The following CACNA2D3 variants were observed in gnomAD, a reference collection of about 807,000 sequenced individuals.
CACNA2D3 encodes the protein calcium voltage-gated channel auxiliary subunit alpha2delta 3, also known as voltage-dependent calcium channel subunit alpha-2/delta-3.
Under a neutral mutation model 160.6 loss-of-function variants are expected in CACNA2D3, and 60 were observed. The ratio of observed to expected loss-of-function variants is 0.37; its 90% CI spans 0.30 to 0.46. The LOEUF is 0.46. Among genes scored for constraint, CACNA2D3 ranks in the 20% least tolerant of loss-of-function variants. CACNA2D3 has a pLI of 1.00. For missense variants in CACNA2D3, 1,205 were observed against 1,365.0 expected (o/e 0.88, Z 1.85); for synonymous variants, 558 against 492.9 (o/e 1.13, Z -1.75).
intron 3 of CACNA2D3, among the ~76,000 whole-genome samples, chr3:54,353,814 G>A (rs753901354): frequency 3.3e-5 from 5 of 152,140 alleles, no homozygotes; most frequent in African/African-American, 7.2e-5. Context: ...CTAAAAGTTA[G>A]GCCAGTCAGC....
intron 4 of CACNA2D3, among the ~76,000 whole-genome samples, chr3:54,478,803 C>A (rs1700885348): frequency 6.7e-6 from 1 of 149,852 alleles, no homozygotes; most frequent in Admixed American, 6.7e-5. Flanking sequence ...ATCAGATCTG[C>A]TGTTGTGGTA....
In CACNA2D3 at chr3:54,386,700, T is replaced by G. The variant is rs1559467474; in HGVS notation, c.322-15T>G. The G allele has an allele frequency of 4.0e-6, 6 of 1,516,146 alleles. No homozygotes were observed. The highest frequency in any genetic ancestry group is 5.3e-6 in the Non-Finnish European group (6 of 1,137,250). The allele number at this position is 1,516,146 out of a possible 1,614,324, so 93.9% of individuals were successfully genotyped here. On this transcript the variant is annotated splice_polypyrimidine_tract_variant and intron_variant, in intron 3 of 37. Coordinates refer to ENST00000474759, the MANE Select transcript of CACNA2D3 (RefSeq NM_018398.3). ...ATCCTTAATGCTGTCTTCTGTTTTT[T>G]TTTTTTTTTTTTAGCGTCTGGTGGA...
chr3:54,454,873 C>T (rs947768657), intron 4 of CACNA2D3, among the ~76,000 whole-genome samples: 2 of 152,014 alleles, frequency 1.3e-5, no homozygotes, highest in Non-Finnish European at 2.9e-5. Flanking sequence ...TGGCTTATTT[C>T]ATTTAACATA....
intron 3 of CACNA2D3, among the ~76,000 whole-genome samples, chr3:54,334,124 C>G (rs1314890389): frequency 1.3e-5 from 2 of 152,164 alleles, no homozygotes; most frequent in African/African-American, 2.4e-5. Context: ...CAGAGTCTCA[C>G]TCTGCTAGCT....
intron 2 of CACNA2D3, among the ~76,000 whole-genome samples, chr3:54,155,151 T>C (rs1050848876): frequency 1.3e-5 from 2 of 152,186 alleles, no homozygotes; most frequent in African/African-American, 4.8e-5. Flanking sequence ...AAAGTGGTTA[T>C]AGTGGTCAGG....
chr3:54,420,649 A>G (rs1699823500), intron 4 of CACNA2D3, among the ~76,000 whole-genome samples: 1 of 152,220 alleles, frequency 6.6e-6, no homozygotes. Flanking sequence ...GGTTATGACC[A>G]TCAAATTGAA....
chr3:55,069,226 C>T (rs1305012750), intron 35 of CACNA2D3, among the ~76,000 whole-genome samples: 1 of 152,128 alleles, frequency 6.6e-6, no homozygotes, highest in East Asian at 1.9e-4. Context: ...ATTGTCCAGA[C>T]TATTCTCTAT....
chr3:54,214,679 G>C (rs1307968908), intron 2 of CACNA2D3, among the ~76,000 whole-genome samples: 1 of 152,180 alleles, frequency 6.6e-6, no homozygotes, highest in Non-Finnish European at 1.5e-5. Flanking sequence ...GGTGTGGAGA[G>C]GATGCCCCAG....
At chr3:54,904,415 T>A (rs893581025) in intron 27 of CACNA2D3, among the ~76,000 whole-genome samples, 17 of 152,186 alleles carry the variant, frequency 1.1e-4, no homozygotes, top group African/African-American at 3.9e-4. Context: ...ATCGTCTGTC[T>A]GACTTCCCTG....
intron 31 of CACNA2D3, among the ~76,000 whole-genome samples, chr3:54,994,334 C>T (rs17054663): frequency 0.072 from 10,953 of 152,170 alleles, 1,162 homozygotes; most frequent in African/African-American, 0.23. Context: ...GCCGACTGCC[C>T]CGCTGATGTC....
intron 3 of CACNA2D3, among the ~76,000 whole-genome samples, chr3:54,366,657 A>C (rs1698832990): frequency 1.3e-5 from 2 of 152,196 alleles, no homozygotes; most frequent in African/African-American, 4.8e-5. Flanking sequence ...ACAACTGAAA[A>C]ACCAGCAGAG....
chr3:54,405,524 A>G (rs1187037861), intron 4 of CACNA2D3, among the ~76,000 whole-genome samples: 1 of 152,036 alleles, frequency 6.6e-6, no homozygotes, highest in Non-Finnish European at 1.5e-5. Flanking sequence ...TCCATGTGCA[A>G]AAGAATGAAA....
chr3:54,764,207 G>T lies in CACNA2D3; in HGVS notation c.1247-11G>T. 1 of 1,613,002 alleles carries T rather than the reference G, an allele frequency of 6.2e-7. No individual in the cohort carries two copies. The highest frequency in any genetic ancestry group is 8.5e-7 in the Non-Finnish European group (1 of 1,179,542). ...TGTTACTAAACTTGGCCCTCCCTTGGGTTTTGACAGGATTTTTTACCCAGA... is the reference window on the plus strand; with the variant it reads ...TGTTACTAAACTTGGCCCTCCCTTGTGTTTTGACAGGATTTTTTACCCAGA... On this transcript the variant is annotated splice_polypyrimidine_tract_variant and intron_variant, in intron 12 of 37. Transcript: ENST00000474759.
intron 14 of CACNA2D3, among the ~76,000 whole-genome samples, chr3:54,818,336 G>A (rs896117165): frequency 1.3e-5 from 2 of 152,134 alleles, no homozygotes; most frequent in Admixed American, 1.3e-4. Flanking sequence ...ATGCGCCACC[G>A]CACCTGGCTT....
intron 2 of CACNA2D3, among the ~76,000 whole-genome samples, chr3:54,156,383 C>T (rs779804169): frequency 3.9e-5 from 6 of 152,276 alleles, no homozygotes; most frequent in South Asian, 2.1e-4. Flanking sequence ...ACACTAATGC[C>T]GTCAGTCACT....
chr3:54,451,229 C>CTTATTTTTTTTTT lies in CACNA2D3; in HGVS notation c.382-52261_382-52260insATTTTTTTTTTTT, dbSNP rs1700301803. 3.9e-5 allele frequency among the ~76,000 whole-genome samples: 2 copies of CTTATTTTTTTTTT among 51,732 alleles called. 1 individual carries two copies. Among genetic ancestry groups the CTTATTTTTTTTTT allele is most frequent in the African/African-American group, 1.7e-4 (2 of 11,594 alleles). 33.9% of individuals were successfully genotyped at this position (51,732 alleles called of 152,430 possible). A position where few individuals can be genotyped will look rare whatever the true frequency, so the allele number is the denominator to read the frequency against. On this transcript the variant is annotated intron_variant, in intron 4 of 37. Coordinates refer to ENST00000474759, the MANE Select transcript of CACNA2D3 (RefSeq NM_018398.3). ...TGTCCCTTTCTGCTGATATAATAAT[C>CTTATTTTTTTTTT]TTTTTTTTTTTTTTTTTTTTTTTTT... is the stretch of plus-strand genomic sequence containing the variant.
chr3:54,939,342 C>G (rs575084709), intron 27 of CACNA2D3, among the ~76,000 whole-genome samples: 6 of 152,332 alleles, frequency 3.9e-5, no homozygotes, highest in African/African-American at 1.4e-4. Context: ...AGGGGCAGAG[C>G]TGGGACTTGA....
intron 5 of CACNA2D3, among the ~76,000 whole-genome samples, chr3:54,511,184 CT>C (rs1402988963): frequency 6.6e-6 from 1 of 152,236 alleles, no homozygotes; most frequent in Non-Finnish European, 1.5e-5. Flanking sequence ...GCTGCCATGT[CT>C]TTCCCTCTGG....
At chr3:54,321,559 T>G (rs1703995020) in intron 3 of CACNA2D3, among the ~76,000 whole-genome samples, 1 of 152,190 alleles carries the variant, frequency 6.6e-6, no homozygotes, top group Admixed American at 6.5e-5. Context: ...GGACCGTATA[T>G]GTACTCACTT....
Sources: gnomAD v4.1 joint callset for allele counts (sites outside exome capture counted in the v4.1 genomes callset) on GRCh38, gnomAD v4.1.1 for gene constraint, MANE v1.5 for transcripts, NCBI Gene and HGNC (gene_info 2026-07-23, HGNC 2026-07-21) for gene names.